Variants in CHURC1 observed in about 807,000 individuals in gnomAD.
CHURC1 encodes churchill domain containing 1.
A neutral mutation model predicts 15.4 loss-of-function variants in CHURC1; 12 were observed. That is an observed-to-expected ratio of 0.78 (90% confidence interval 0.50 to 1.27). The LOEUF (loss-of-function observed/expected upper bound fraction) is 1.27, where lower values mean the gene tolerates loss of function less well. Ranked by LOEUF, CHURC1 falls within the 50% of genes most tolerant of loss-of-function variation. The pLI is 0.00. For missense variants in CHURC1, 132 were observed against 137.8 expected (o/e 0.96, Z 0.21); for synonymous variants, 42 against 47.5 (o/e 0.88, Z 0.48).
chr14:64,931,829 G>A (rs762987120), intron 3 of CHURC1, among the ~76,000 whole-genome samples: 1 of 152,212 alleles, frequency 6.6e-6, no homozygotes, highest in African/African-American at 2.4e-5. Context: ...TGTAAGAATA[G>A]GAATTTGTCC....
rs866299993 is a variant in CHURC1, at chr14:64,914,619, G to A, written c.39+85G>A. The stretch of plus-strand genomic sequence containing the variant: ...GCTGGCCTTCCCAGAGAGGCCGTAC[G>A]TGGGGCGGACTCGGCCGCACTGCCG... On this transcript the variant is annotated intron_variant, in intron 1 of 3. Coordinates refer to ENST00000549115, the MANE Select transcript of CHURC1 (RefSeq NM_001386928.1). 5 of 1,595,754 alleles carry A rather than the reference G, an allele frequency of 3.1e-6. 1 individual carries two copies. In the Middle Eastern group the frequency reaches 6.9e-4, roughly 220 times the overall value.
intron 3 of CHURC1, 78 bp downstream of exon 3, chr14:64,926,158 C>A: frequency 1.0e-6 from 1 of 995,622 alleles, no homozygotes; most frequent in African/African-American, 1.7e-5. Context: ...AATCTAAATA[C>A]GGTTTTCATA....
At position 64,933,613 on chromosome 14, in the gene CHURC1, A is replaced by T; in HGVS notation, c.*1383A>T. 1 of 983,968 alleles carries T rather than the reference A, an allele frequency of 1.0e-6. No individual in the cohort carries two copies. The highest frequency in any genetic ancestry group is 4.7e-5 in the South Asian group (1 of 21,268). 61.0% of individuals were successfully genotyped at this position (983,968 alleles called of 1,614,324 possible). A position where few individuals can be genotyped will look rare whatever the true frequency, so the allele number is the denominator to read the frequency against. ...ATTTAAATGAATTAGTGAATGTAAG[A>T]TACTTTAGAAAGCATGTAAAGTACT... is the stretch of plus-strand genomic sequence containing the variant. On this transcript the variant is annotated 3_prime_UTR_variant, in exon 4 of 4. Transcript: ENST00000549115.
chr14:64,930,724 C>T (rs974873037), intron 3 of CHURC1: 2 of 412,664 alleles, frequency 4.8e-6, no homozygotes, highest in African/African-American at 4.2e-5. Flanking sequence ...TGGTTGAAAA[C>T]TCAAGTATTT....
chr14:64,926,095 G>T lies in CHURC1; in HGVS notation c.246+15G>T. The T allele has an allele frequency of 6.5e-7, 1 of 1,547,002 alleles. No individual in the cohort carries two copies. Among genetic ancestry groups the T allele is most frequent in the South Asian group, 1.2e-5 (1 of 82,606 alleles). On this transcript the variant is annotated intron_variant, in intron 3 of 3. Coordinates refer to ENST00000549115, the MANE Select transcript of CHURC1 (RefSeq NM_001386928.1). ...ATGAATTTCAGGTAAATATAAATAT[G>T]GGTATAAATATAAATATGGGGAGGT...
chr14:64,925,609 A>T (rs1884622260), intron 2 of CHURC1, among the ~76,000 whole-genome samples: 2 of 145,960 alleles, frequency 1.4e-5, no homozygotes, highest in African/African-American at 5.2e-5. Context: ...ATTTGGGAGG[A>T]TAACTTGAGA....
intron 2 of CHURC1, 181 bp downstream of exon 2, chr14:64,924,307 A>G (rs1239582708): frequency 1.7e-5 from 11 of 656,800 alleles, no homozygotes; most frequent in Admixed American, 8.9e-5. Flanking sequence ...CAAATAGTCT[A>G]TGTAAATGAC....
chr14:64,928,206 C>G (rs182339148), intron 3 of CHURC1, among the ~76,000 whole-genome samples: 125 of 152,236 alleles, frequency 8.2e-4, no homozygotes, highest in African/African-American at 2.9e-3. Flanking sequence ...TACTTTGATT[C>G]ATCCTGTAAT....
Position 64,933,483 on chromosome 14 carries a change from G to A in CHURC1, c.*1253G>A. 1 of 985,256 alleles carries A rather than the reference G, an allele frequency of 1.0e-6. No homozygotes were observed. The highest frequency in any genetic ancestry group is 1.2e-6 in the Non-Finnish European group (1 of 829,764). The allele number at this position is 985,256 out of a possible 1,614,324, so 61.0% of individuals were successfully genotyped here. A position where few individuals can be genotyped will look rare whatever the true frequency, so the allele number is the denominator to read the frequency against. The stretch of plus-strand genomic sequence containing the variant: ...TAGGCCTCTCTGCCATTTAGTAGCA[G>A]TATAGTCATTAAGCAAAGCATTACT... On this transcript the variant is annotated 3_prime_UTR_variant, in exon 4 of 4. Coordinates refer to ENST00000549115, the MANE Select transcript of CHURC1 (RefSeq NM_001386928.1).
At chr14:64,914,656 C>T (rs966903794) in intron 1 of CHURC1, 122 bp downstream of exon 1, 5 of 1,548,246 alleles carry the variant, frequency 3.2e-6, no homozygotes, top group Non-Finnish European at 4.4e-6. Flanking sequence ...TCCCGGTGAC[C>T]CAGTAGCGGT....
rs9281 is a variant in CHURC1 at position 64,932,573 on chromosome 14, A to G, written c.*343A>G. 133,814 of 568,596 alleles carry G rather than the reference A, an allele frequency of 0.24. 16,868 individuals are homozygous for G. The highest frequency in any genetic ancestry group is 0.41 in the African/African-American group (20,167 of 49,576). The allele number at this position is 568,596 out of a possible 1,614,324, so 35.2% of individuals were successfully genotyped here. A position where few individuals can be genotyped will look rare whatever the true frequency, so the allele number is the denominator to read the frequency against. The stretch of plus-strand genomic sequence containing the variant: ...CCTTAGAAAATGAACTGATTCTAGA[A>G]CTGGGATATGAACTGTACAAGATGA... On this transcript the variant is annotated 3_prime_UTR_variant, in exon 4 of 4. Transcript: ENST00000549115.
Position 64,934,919 on chromosome 14 carries a change from A to G in CHURC1, c.*2689A>G. 1.0e-6 allele frequency: 1 copy of G among 984,584 alleles called. No homozygotes were observed. The highest frequency in any genetic ancestry group is 1.2e-6 in the Non-Finnish European group (1 of 829,184). 61.0% of individuals were successfully genotyped at this position (984,584 alleles called of 1,614,324 possible). On this transcript the variant is annotated 3_prime_UTR_variant, in exon 4 of 4. Transcript: ENST00000549115. Reference sequence around the variant, plus strand: ...TATATTTCATTATTGGTGAACCCACATTGTGCTGTGTTTTGTGATATTTTA... The same window carrying G: ...TATATTTCATTATTGGTGAACCCACGTTGTGCTGTGTTTTGTGATATTTTA...
intron 3 of CHURC1, among the ~76,000 whole-genome samples, chr14:64,928,234 G>A (rs1300377662): frequency 6.6e-6 from 1 of 151,762 alleles, no homozygotes; most frequent in Non-Finnish European, 1.5e-5. Flanking sequence ...TCTTCCTCTT[G>A]CTTCTTTAGT....
In CHURC1 at chr14:64,923,973, C is replaced by G. The variant is rs1884499773; in HGVS notation, c.40-18C>G. 1 of 1,486,920 alleles carries G rather than the reference C, an allele frequency of 6.7e-7. No individual in the cohort carries two copies. Among genetic ancestry groups the G allele is most frequent in the Non-Finnish European group, 9.0e-7 (1 of 1,112,016 alleles). The allele number at this position is 1,486,920 out of a possible 1,614,324, so 92.1% of individuals were successfully genotyped here. On this transcript the variant is annotated intron_variant, in intron 1 of 3. Transcript: ENST00000549115. ...TTTGAAATGTAAAGAAATTAAATTC[C>G]TGTTTCTGATATTTTAGGGTAATAC... is the stretch of plus-strand genomic sequence containing the variant.
chr14:64,918,673 A>T (rs896248747), intron 1 of CHURC1, among the ~76,000 whole-genome samples: 14 of 152,106 alleles, frequency 9.2e-5, no homozygotes, highest in African/African-American at 3.4e-4. Flanking sequence ...ATTAAAAATT[A>T]AAAAACATTA....
chr14:64,918,312 C>G (rs981084131), intron 1 of CHURC1, among the ~76,000 whole-genome samples: 8 of 152,162 alleles, frequency 5.3e-5, no homozygotes, highest in Non-Finnish European at 1.5e-5. Flanking sequence ...GACTTTGAAT[C>G]AGAATAAAGA....
Position 64,934,262 on chromosome 14 carries a change from C to T in CHURC1, c.*2032C>T, listed in dbSNP as rs1178377895. The T allele has an allele frequency of 3.2e-5, 10 of 315,932 alleles. No homozygotes were observed. Among genetic ancestry groups the T allele is most frequent in the Non-Finnish European group, 4.6e-5 (10 of 218,158 alleles). 19.6% of individuals were successfully genotyped at this position (315,932 alleles called of 1,614,324 possible). Reference sequence around the variant, plus strand: ...AACATGGGAGGCTGAACAGGAGAATCGCTTGAACCCGCGACAGGGAGGTTG... The same window carrying T: ...AACATGGGAGGCTGAACAGGAGAATTGCTTGAACCCGCGACAGGGAGGTTG... On this transcript the variant is annotated 3_prime_UTR_variant, in exon 4 of 4. Transcript: ENST00000549115.
intron 1 of CHURC1, among the ~76,000 whole-genome samples, chr14:64,919,824 C>T (rs534731325): frequency 1.3e-4 from 20 of 151,764 alleles, no homozygotes; most frequent in Non-Finnish European, 1.5e-4. Flanking sequence ...GCGGAGGTTG[C>T]AGTGAGCCAA....
At chr14:64,931,703 A>G (rs1160610462) in intron 3 of CHURC1, among the ~76,000 whole-genome samples, 5 of 152,220 alleles carry the variant, frequency 3.3e-5, no homozygotes, top group Non-Finnish European at 5.9e-5. Flanking sequence ...TGAATTTAAC[A>G]TAATTGTTTA....
Sources: gnomAD v4.1 joint callset for allele counts (sites outside exome capture counted in the v4.1 genomes callset) on GRCh38, gnomAD v4.1.1 for gene constraint, MANE v1.5 for transcripts, NCBI Gene and HGNC (gene_info 2026-07-23, HGNC 2026-07-21) for gene names.